The following CEP170 variants were observed in gnomAD, a reference collection of about 807,000 sequenced individuals.
CEP170 encodes centrosomal protein of 170 kDa.
In CEP170, 21 loss-of-function variants were observed where a neutral mutation model predicts 151.9. That is an observed-to-expected ratio of 0.14 (90% confidence interval 0.10 to 0.20). The LOEUF (loss-of-function observed/expected upper bound fraction) is 0.20. Among genes scored for constraint, CEP170 ranks in the 10% least tolerant of loss-of-function variants. The pLI, the probability that CEP170 is intolerant of heterozygous loss-of-function variation, is 1.00. For synonymous variants in CEP170, 356 were observed against 648.8 expected, an observed-to-expected ratio of 0.55 and a Z score of 6.86; for missense variants, 964 against 1,892.9, an observed-to-expected ratio of 0.51 and a Z score of 9.11.
chr1:243,201,345 A>G (rs534830632), intron 4 of CEP170, among the ~76,000 whole-genome samples: 1 of 152,258 alleles, frequency 6.6e-6, no homozygotes, highest in Non-Finnish European at 1.5e-5. Context: ...AACCACAACC[A>G]TGACTGTTCC....
intron 17 of CEP170, among the ~76,000 whole-genome samples, chr1:243,133,102 C>G (rs2054610555): frequency 6.6e-6 from 1 of 152,222 alleles, no homozygotes; most frequent in African/African-American, 2.4e-5. Flanking sequence ...TACTCTGGCC[C>G]TTTCACTTCA....
intron 17 of CEP170, among the ~76,000 whole-genome samples, chr1:243,132,663 T>C (rs1169074844): frequency 6.6e-6 from 1 of 152,186 alleles, no homozygotes; most frequent in Non-Finnish European, 1.5e-5. Flanking sequence ...AATGTCTTCT[T>C]TGTTCTCAAT....
intron 1 of CEP170, among the ~76,000 whole-genome samples, chr1:243,252,084 T>C (rs1373701863): frequency 1.3e-5 from 2 of 152,172 alleles, no homozygotes. Flanking sequence ...AATAAAGATA[T>C]TTCTTCCCAT....
Position 243,124,532 on chromosome 1 carries a change from T to C in CEP170, c.*1917A>G, listed in dbSNP as rs1217481296. On this transcript the variant is annotated 3_prime_UTR_variant, in exon 20 of 20. Coordinates refer to ENST00000366542, the MANE Select transcript of CEP170 (RefSeq NM_014812.3). ...ATAAATAAGGAGGATAATGTATTCA[T>C]ACAAAATAAAAATAACATAGTAAAA... 4 of 152,734 alleles carry C rather than the reference T, an allele frequency of 2.6e-5. No individual in the cohort carries two copies. Among genetic ancestry groups the C allele is most frequent in the Non-Finnish European group, 4.4e-5 (3 of 67,998 alleles). 9.5% of individuals were successfully genotyped at this position (152,734 alleles called of 1,614,324 possible).
In CEP170 at chr1:243,172,800, T is replaced by C. The variant is rs2058952834; in HGVS notation, c.1613A>G (p.Asn538Ser). ...TTTTATTAGATCTTTATGTTTTTCG[T>C]TGATAACAGGCCTATTATAATCCTG... ...DNQDYNRPVI[N>S]EKHKDLIKDW... The change falls in exon 11 of 20, where the codon AAC (asparagine) becomes AGC (serine). Residue 538 changes from asparagine to serine, a missense_variant. Asn to Ser is a conservative substitution (Grantham distance 46, BLOSUM62 1). Coordinates refer to ENST00000366542, the MANE Select transcript of CEP170 (RefSeq NM_014812.3). 1.9e-6 allele frequency: 3 copies of C among 1,574,666 alleles called. No individual in the cohort carries two copies. Among genetic ancestry groups the C allele is most frequent in the African/African-American group, 2.7e-5 (2 of 73,892 alleles).
At chr1:243,195,687 GT>G (rs2060601936) in intron 7 of CEP170, among the ~76,000 whole-genome samples, 2 of 151,760 alleles carry the variant, frequency 1.3e-5, no homozygotes, top group Admixed American at 1.3e-4. Flanking sequence ...TAAAAAAAAA[GT>G]TTAAGTTTTT....
chr1:243,207,375 G>T (rs1274875519), intron 4 of CEP170, among the ~76,000 whole-genome samples: 1 of 152,124 alleles, frequency 6.6e-6, no homozygotes, highest in East Asian at 1.9e-4. Flanking sequence ...ACTAATAAAA[G>T]AGCTGCAAAT....
intron 14 of CEP170, among the ~76,000 whole-genome samples, chr1:243,144,704 T>C (rs2056257085): frequency 6.6e-6 from 1 of 152,198 alleles, no homozygotes; most frequent in Admixed American, 6.5e-5. Context: ...AATCTCCACA[T>C]GTGATATAGT....
At chr1:243,233,776 G>A (rs1174105311) in intron 1 of CEP170, among the ~76,000 whole-genome samples, 4 of 146,280 alleles carry the variant, frequency 2.7e-5, no homozygotes, top group Non-Finnish European at 6.0e-5. Context: ...ATTTTAAAAC[G>A]TTGTTCCTAT....
rs1464188247 is a variant in CEP170, at chr1:243,236,106, T to C, written c.-41-10785A>G. ...CAGTAACTGTGCTAATTGCTTCTAT[T>C]AATACTTGCATTCTTTCATTTAACT... On this transcript the variant is annotated intron_variant, in intron 1 of 19. Transcript: ENST00000366542. 4.6e-5 allele frequency among the ~76,000 whole-genome samples: 7 copies of C among 152,358 alleles called. No individual in the cohort carries two copies. In the East Asian group the frequency reaches 1.3e-3, roughly 29 times the overall value.
intron 3 of CEP170, among the ~76,000 whole-genome samples, chr1:243,218,902 C>T (rs766264001): frequency 1.3e-5 from 2 of 152,118 alleles, no homozygotes; most frequent in Non-Finnish European, 2.9e-5. Flanking sequence ...GACATCAAAG[C>T]TGGGTTCATA....
chr1:243,194,853 AAATT>A (rs1278378124), intron 7 of CEP170, among the ~76,000 whole-genome samples: 10 of 151,934 alleles, frequency 6.6e-5, no homozygotes, highest in Non-Finnish European at 1.5e-4. Flanking sequence ...AGATTTTAAA[AAATT>A]ATTTAATGAT....
intron 10 of CEP170, among the ~76,000 whole-genome samples, chr1:243,174,641 ACTC>A (rs779466753): frequency 5.3e-5 from 8 of 152,176 alleles, no homozygotes; most frequent in Admixed American, 2.0e-4. Context: ...ATTCTCTTGA[ACTC>A]CTCAATATTT....
At chr1:243,201,968 T>C (rs2061068198) in intron 4 of CEP170, among the ~76,000 whole-genome samples, 1 of 152,134 alleles carries the variant, frequency 6.6e-6, no homozygotes, top group African/African-American at 2.4e-5. Flanking sequence ...TATTTGCTGG[T>C]ACATATGGAA....
At position 243,126,388 on chromosome 1, in the gene CEP170, T is replaced by C. The variant is rs117873748; in HGVS notation, c.*61A>G. Reference sequence around the variant, plus strand: ...TCTTGTTTTGCGTACATCAACACTATGCTGCTTCCAATATTCCTAGCCATT... The same window carrying C: ...TCTTGTTTTGCGTACATCAACACTACGCTGCTTCCAATATTCCTAGCCATT... On this transcript the variant is annotated 3_prime_UTR_variant, in exon 20 of 20. Transcript: ENST00000366542. 344 of 1,518,918 alleles carry C rather than the reference T, an allele frequency of 2.3e-4. 1 individual carries two copies. In the East Asian group the frequency reaches 7.9e-3, roughly 35 times the overall value. 94.1% of individuals were successfully genotyped at this position (1,518,918 alleles called of 1,614,324 possible).
At chr1:243,162,725 A>T (rs2058162126) in intron 13 of CEP170, among the ~76,000 whole-genome samples, 1 of 152,230 alleles carries the variant, frequency 6.6e-6, no homozygotes, top group South Asian at 2.1e-4. Context: ...CATAGAAATT[A>T]TGTTAAGACA....
rs141064820 is a variant in CEP170, at chr1:243,236,588, G to A, written c.-41-11267C>T. ...AAAAATCAGCTGGCCAAAAATCAGC[G>A]GATCAATCTAGAGAAACGAGGGAAA... On this transcript the variant is annotated intron_variant, in intron 1 of 19. Coordinates refer to ENST00000366542, the MANE Select transcript of CEP170 (RefSeq NM_014812.3). 7.9e-5 allele frequency among the ~76,000 whole-genome samples: 12 copies of A among 152,236 alleles called. No individual in the cohort carries two copies. The East Asian group carries it at 2.1e-3, about 27-fold the overall frequency.
intron 8 of CEP170, among the ~76,000 whole-genome samples, chr1:243,188,528 GTTC>G (rs1215663441): frequency 6.6e-6 from 1 of 152,104 alleles, no homozygotes; most frequent in Non-Finnish European, 1.5e-5. Flanking sequence ...TCCTCACCAA[GTTC>G]TTTTCTTTCC....
At chr1:243,129,968 G>C (rs560342400) in intron 17 of CEP170, among the ~76,000 whole-genome samples, 1 of 152,050 alleles carries the variant, frequency 6.6e-6, no homozygotes, top group African/African-American at 2.4e-5. Flanking sequence ...CTCTTACTGT[G>C]CCTAATTTAT....
Sources: allele counts gnomAD v4.1 joint callset (sites outside exome capture counted in the v4.1 genomes callset), GRCh38; gene constraint gnomAD v4.1.1; transcripts MANE v1.5; gene names NCBI Gene and HGNC (gene_info 2026-07-23, HGNC 2026-07-21).